The following C2orf80 variants were observed in gnomAD, a reference collection of about 807,000 sequenced individuals.
C2orf80 encodes the protein uncharacterized protein C2orf80.
A neutral mutation model predicts 30.2 loss-of-function variants in C2orf80; 28 were observed. That is an observed-to-expected ratio of 0.93 (90% CI 0.69 to 1.27). The LOEUF (loss-of-function observed/expected upper bound fraction) is 1.27. Among genes scored for constraint, C2orf80 ranks in the 50% most tolerant of loss-of-function variants. C2orf80 has a pLI of 0.00. For missense variants in C2orf80, 220 were observed against 231.0 expected, an observed-to-expected ratio of 0.95 and a Z score of 0.31; for synonymous variants, 80 against 76.4, an observed-to-expected ratio of 1.05 and a Z score of -0.24.
chr2:208,165,831 T>C lies in C2orf80; in HGVS notation c.574-16A>G. 1 of 1,597,216 alleles carries C rather than the reference T, an allele frequency of 6.3e-7. No homozygotes were observed. Among genetic ancestry groups the C allele is most frequent in the Non-Finnish European group, 8.6e-7 (1 of 1,168,274 alleles). ...TCTAAGTGACCTGCAGAATAAAAGATGATTTTGGTATCAAGCACATCAATT... is the reference window on the plus strand; with the variant it reads ...TCTAAGTGACCTGCAGAATAAAAGACGATTTTGGTATCAAGCACATCAATT... On this transcript the variant is annotated splice_polypyrimidine_tract_variant and intron_variant, in intron 8 of 8. Coordinates refer to ENST00000341287, the MANE Select transcript of C2orf80 (RefSeq NM_001099334.3).
intron 7 of C2orf80, 41 bp downstream of exon 7, chr2:208,171,947 G>A: frequency 6.6e-7 from 1 of 1,513,900 alleles, no homozygotes; most frequent in South Asian, 1.1e-5. Flanking sequence ...TTCCTAGTTT[G>A]ACTTACATTC....
At chr2:208,187,919 G>A (rs1574378280) in intron 1 of C2orf80, among the ~76,000 whole-genome samples, 1 of 152,118 alleles carries the variant, frequency 6.6e-6, no homozygotes, top group East Asian at 1.9e-4. Context: ...ATGCAAGAAG[G>A]AATCTGCCAG....
intron 3 of C2orf80, 48 bp downstream of exon 3, chr2:208,184,903 A>G (rs1300207700): frequency 1.4e-6 from 2 of 1,451,020 alleles, no homozygotes; most frequent in Non-Finnish European, 1.9e-6. Flanking sequence ...TGTCTCTTTA[A>G]TACACATATA....
At chr2:208,186,520 A>G (rs1406541378) in intron 2 of C2orf80, among the ~76,000 whole-genome samples, 1 of 152,158 alleles carries the variant, frequency 6.6e-6, no homozygotes. Context: ...AAGGAGATGA[A>G]TTTCTTAGTT....
At chr2:208,184,908 C>T (rs1559344761) in intron 3 of C2orf80, 43 bp downstream of exon 3, 2 of 1,476,566 alleles carry the variant, frequency 1.4e-6, no homozygotes, top group Non-Finnish European at 1.9e-6. Flanking sequence ...CTTTAATACA[C>T]ATATAACACA....
chr2:208,176,972 T>TCTGTATACATATATATACAG (rs1696357487), intron 6 of C2orf80, among the ~76,000 whole-genome samples: 2 of 48,484 alleles, frequency 4.1e-5, no homozygotes, highest in Non-Finnish European at 8.0e-5. Context: ...TATGTATACA[T>TCTGTATACATATATATACAG]ATATACAGAA....
intron 6 of C2orf80, among the ~76,000 whole-genome samples, chr2:208,177,753 A>G (rs1177132337): frequency 6.6e-6 from 1 of 152,082 alleles, no homozygotes. Flanking sequence ...GGATAGGTAG[A>G]GATTGGTTGG....
chr2:208,172,389 T>C (rs1217480750), intron 6 of C2orf80, among the ~76,000 whole-genome samples: 2 of 152,160 alleles, frequency 1.3e-5, no homozygotes, highest in Non-Finnish European at 2.9e-5. Flanking sequence ...CTACCTCTCT[T>C]TTATCATGTA....
chr2:208,176,143 A>T (rs1696285036), intron 6 of C2orf80, among the ~76,000 whole-genome samples: 1 of 152,008 alleles, frequency 6.6e-6, no homozygotes, highest in Admixed American at 6.6e-5. Context: ...ATCTCATGTG[A>T]TTTTGCCTCC....
At chr2:208,170,559 A>G (rs1696063664) in intron 8 of C2orf80, among the ~76,000 whole-genome samples, 2 of 152,208 alleles carry the variant, frequency 1.3e-5, no homozygotes, top group Non-Finnish European at 1.5e-5. Flanking sequence ...TTTCTCCTCA[A>G]CATGCTTATT....
In C2orf80 at chr2:208,165,776, T is replaced by C. The variant is rs1695866995; in HGVS notation, c.*31A>G. 1 of 1,612,482 alleles carries C rather than the reference T, an allele frequency of 6.2e-7. No homozygotes were observed. Among genetic ancestry groups the C allele is most frequent in the African/African-American group, 1.3e-5 (1 of 74,996 alleles). On this transcript the variant is annotated 3_prime_UTR_variant, in exon 9 of 9. Coordinates refer to ENST00000341287, the MANE Select transcript of C2orf80 (RefSeq NM_001099334.3). ...TTCTCGTCTGCTCCCAGAGAATCTA[T>C]TATGAAGTTCCATGGTACAATTCCA...
At chr2:208,183,869 G>C (rs1361072420) in intron 3 of C2orf80, among the ~76,000 whole-genome samples, 1 of 152,156 alleles carries the variant, frequency 6.6e-6, no homozygotes, top group African/African-American at 2.4e-5. Flanking sequence ...ATTCCTAAGA[G>C]TTCTTGTTCA....
chr2:208,183,947 C>T (rs1020501639), intron 3 of C2orf80, among the ~76,000 whole-genome samples: 1 of 152,144 alleles, frequency 6.6e-6, no homozygotes, highest in Admixed American at 6.5e-5. Context: ...ACACAGAAAA[C>T]GGAAGATTGG....
rs1696543227 is a variant in C2orf80 at position 208,181,087 on chromosome 2, A to G, written c.294+131T>C. On this transcript the variant is annotated intron_variant, in intron 5 of 8. Transcript: ENST00000341287. ...GTCTTTTTATTACTTTAAAAAACGAAACATTTACTATCAATAACTCCTAAA... is the reference window on the plus strand; with the variant it reads ...GTCTTTTTATTACTTTAAAAAACGAGACATTTACTATCAATAACTCCTAAA... 3 of 732,398 alleles carry G rather than the reference A, an allele frequency of 4.1e-6. No homozygotes were observed. The South Asian group carries it at 6.1e-5, about 15-fold the overall frequency. The allele number at this position is 732,398 out of a possible 1,614,324, so 45.4% of individuals were successfully genotyped here.
At chr2:208,179,514 T>TC (rs138590753) in intron 6 of C2orf80, among the ~76,000 whole-genome samples, 1 of 152,078 alleles carries the variant, frequency 6.6e-6, no homozygotes, top group Non-Finnish European at 1.5e-5. Flanking sequence ...GTGCCCCCCT[T>TC]CCCCCCTCCC....
intron 6 of C2orf80, among the ~76,000 whole-genome samples, chr2:208,176,973 A>ATACAGATCTGTATACATCTG (rs1559340668): frequency 1.1e-5 from 1 of 92,274 alleles, no homozygotes; most frequent in African/African-American, 3.9e-5. Flanking sequence ...ATGTATACAT[A>ATACAGATCTGTATACATCTG]TATACAGAAA....
At chr2:208,171,915 C>A (rs1696111265) in intron 7 of C2orf80, 73 bp downstream of exon 7, 8 of 1,256,180 alleles carry the variant, frequency 6.4e-6, no homozygotes, top group Non-Finnish European at 9.4e-6. Flanking sequence ...TTTGACCTTA[C>A]CTGGTGAGCC....
At chr2:208,169,984 T>C (rs1056349399) in intron 8 of C2orf80, among the ~76,000 whole-genome samples, 1 of 152,160 alleles carries the variant, frequency 6.6e-6, no homozygotes, top group African/African-American at 2.4e-5. Context: ...TCTGAATAAA[T>C]CCTAAGCCTC....
At chr2:208,180,902 T>A in intron 5 of C2orf80, 86 bp from the exon 6 acceptor site, 1 of 1,102,456 alleles carries the variant, frequency 9.1e-7, no homozygotes, top group Non-Finnish European at 1.3e-6. Context: ...AGCTCCAGTA[T>A]GTCTAAAACT....
Sources: gnomAD v4.1 joint callset for allele counts (sites outside exome capture counted in the v4.1 genomes callset) on GRCh38, gnomAD v4.1.1 for gene constraint, MANE v1.5 for transcripts, NCBI Gene and HGNC (gene_info 2026-07-23, HGNC 2026-07-21) for gene names.